ATP5MF: variants seen among roughly 807,000 people sequenced by gnomAD.
ATP5MF encodes the protein ATP synthase membrane subunit f, also known as ATP synthase F(0) complex subunit f, mitochondrial.
Under a neutral mutation model 13.8 loss-of-function variants are expected in ATP5MF, and 10 were observed. That is an observed-to-expected ratio of 0.72 (90% confidence interval 0.45 to 1.23). ATP5MF has a LOEUF of 1.23. Among genes scored for constraint, ATP5MF ranks in the 50% most tolerant of loss-of-function variants. ATP5MF has a pLI of 0.00. For missense variants in ATP5MF, 122 were observed against 118.2 expected, an observed-to-expected ratio of 1.03 and a Z score of -0.15; for synonymous variants, 40 against 45.8, an observed-to-expected ratio of 0.87 and a Z score of 0.51.
intron 1 of ATP5MF, chr7:99,460,543 A>T (rs569380719): frequency 7.5e-6 from 4 of 534,426 alleles, no homozygotes; most frequent in Non-Finnish European, 1.5e-5. Context: ...TAGCTTATTT[A>T]ATCTTCACAA....
intron 1 of ATP5MF, among the ~76,000 whole-genome samples, chr7:99,463,730 C>T (rs555526625): frequency 2.0e-5 from 3 of 152,104 alleles, no homozygotes; most frequent in African/African-American, 7.2e-5. Flanking sequence ...GAGCTGAGAT[C>T]GTGCTATTGC....
intron 2 of ATP5MF, among the ~76,000 whole-genome samples, chr7:99,459,502 C>T (rs1018081119): frequency 2.0e-5 from 3 of 152,204 alleles, no homozygotes; most frequent in Non-Finnish European, 2.9e-5. Context: ...TGGATTCCAC[C>T]TCTCCCCTTT....
chr7:99,458,915 C>T, intron 3 of ATP5MF: 1 of 518,290 alleles, frequency 1.9e-6, no homozygotes, highest in Non-Finnish European at 3.5e-6. Flanking sequence ...CTCTCTTTAC[C>T]CTGGCTTCAT....
At chr7:99,460,220 C>G (rs1798537973) in intron 1 of ATP5MF, 27 bp from the exon 2 acceptor site, 2 of 1,611,718 alleles carry the variant, frequency 1.2e-6, no homozygotes, top group African/African-American at 1.3e-5. Context: ...AGAAAAAATA[C>G]CCACTGAATA....
chr7:99,459,409 A>G (rs1019366745), intron 2 of ATP5MF, 146 bp from the exon 3 acceptor site: 2 of 657,158 alleles, frequency 3.0e-6, no homozygotes, highest in Non-Finnish European at 5.5e-6. Context: ...GCTGATAAAG[A>G]TGACAAGCAC....
intron 1 of ATP5MF, among the ~76,000 whole-genome samples, chr7:99,463,493 C>T (rs111792721): frequency 6.6e-6 from 1 of 152,200 alleles, no homozygotes; most frequent in Non-Finnish European, 1.5e-5. Context: ...AAAAACCATT[C>T]TAGGCCCTGT....
Position 99,460,196 on chromosome 7 carries a change from G to A in ATP5MF, c.32-3C>T, listed in dbSNP as rs768806509. The A allele has an allele frequency of 9.3e-6, 15 of 1,613,614 alleles. No individual in the cohort carries two copies. The East Asian group carries it at 3.3e-4, about 36-fold the overall frequency. ...AAGTTTCTTGTCCTTCACTGGTACT[G>A]AAACGGAAGAGTGAGAAAAAATACC... On this transcript the variant is annotated splice_region_variant and splice_polypyrimidine_tract_variant and intron_variant, in intron 1 of 3. Coordinates refer to ENST00000292475, the MANE Select transcript of ATP5MF (RefSeq NM_004889.5).
At chr7:99,465,172 T>C (rs1488912418) in intron 1 of ATP5MF, among the ~76,000 whole-genome samples, 5 of 151,466 alleles carry the variant, frequency 3.3e-5, no homozygotes, top group Admixed American at 1.3e-4. Context: ...GGCTGGAGAA[T>C]CGCTTGAACC....
At chr7:99,459,071 G>T in intron 3 of ATP5MF, 76 bp downstream of exon 3, 2 of 1,118,908 alleles carry the variant, frequency 1.8e-6, no homozygotes, top group Non-Finnish European at 2.7e-6. Flanking sequence ...AAGAAGGTGG[G>T]CTGCTGTATC....
chr7:99,461,969 T>A (rs1798624755), intron 1 of ATP5MF, among the ~76,000 whole-genome samples: 1 of 150,280 alleles, frequency 6.7e-6, no homozygotes, highest in African/African-American at 2.4e-5. Flanking sequence ...GAAAACTCAC[T>A]TCCTGATCCA....
intron 1 of ATP5MF, among the ~76,000 whole-genome samples, chr7:99,461,016 A>G (rs1020027583): frequency 2.0e-5 from 3 of 152,114 alleles, no homozygotes; most frequent in East Asian, 1.9e-4. Flanking sequence ...ACGGCCCCAG[A>G]TCGTATTCCA....
chr7:99,460,651 G>A, intron 1 of ATP5MF: 2 of 408,132 alleles, frequency 4.9e-6, no homozygotes, highest in Non-Finnish European at 9.8e-6. Context: ...GTGGGGTCAG[G>A]ACTGGCCCTC....
In ATP5MF at chr7:99,460,339, ATATGTCACATCAAG is replaced by A. The variant is rs1234191963; in HGVS notation, c.32-160_32-147del. ...TGCACATACACAATATTATGAAGAA[ATATGTCACATCAAG>A]CCCACTATTTTAAGACTGAGTCTAT... On this transcript the variant is annotated intron_variant, in intron 1 of 3. Transcript: ENST00000292475. The A allele has an allele frequency of 1.4e-5, 12 of 887,172 alleles. No individual in the cohort carries two copies. In the African/African-American group the frequency reaches 2.0e-4, roughly 15 times the overall value. The allele number at this position is 887,172 out of a possible 1,614,324, so 55.0% of individuals were successfully genotyped here. A position where few individuals can be genotyped will look rare whatever the true frequency, so the allele number is the denominator to read the frequency against.
At chr7:99,462,898 T>G (rs1288391779) in intron 1 of ATP5MF, among the ~76,000 whole-genome samples, 1 of 152,248 alleles carries the variant, frequency 6.6e-6, no homozygotes. Flanking sequence ...AGCTTCCATC[T>G]GCAATCACTG....
At chr7:99,463,872 A>C (rs910193389) in intron 1 of ATP5MF, among the ~76,000 whole-genome samples, 1 of 152,210 alleles carries the variant, frequency 6.6e-6, no homozygotes, top group Admixed American at 6.5e-5. Flanking sequence ...AATCCAACTC[A>C]CTGGCCATAG....
rs11545971 is a variant in ATP5MF, at chr7:99,459,257, T to C, written c.146A>G (p.Tyr49Cys). The change falls in exon 3 of 4, where the codon TAC becomes TGC. Residue 49 changes from tyrosine (Y) to cysteine (C), a missense_variant. Tyr to Cys is a radical substitution (Grantham distance 194). Transcript: ENST00000292475. ...ATTGATGTACTTGTTGTAGTACCGG[T>C]AGTAACCTGCAAACGCAAGAGGCGC... ...GIFGAFQRGY[Y>C]RYYNKYINVK... 1 of 1,612,984 alleles carries C rather than the reference T, an allele frequency of 6.2e-7. No individual in the cohort carries two copies. The highest frequency in any genetic ancestry group is 8.5e-7 in the Non-Finnish European group (1 of 1,178,948).
chr7:99,460,370 T>A, intron 1 of ATP5MF, 177 bp from the exon 2 acceptor site: 1 of 764,552 alleles, frequency 1.3e-6, no homozygotes, highest in Non-Finnish European at 2.2e-6. Context: ...ATTTTAAGAC[T>A]GAGTCTATAC....
intron 1 of ATP5MF, among the ~76,000 whole-genome samples, chr7:99,465,524 T>C (rs1445635824): frequency 6.6e-6 from 1 of 152,096 alleles, no homozygotes; most frequent in African/African-American, 2.4e-5. Flanking sequence ...GATTTACACA[T>C]GGGTGTCTCG....
At chr7:99,460,035 C>G (rs943984583) in intron 2 of ATP5MF, 51 bp downstream of exon 2, 3 of 1,558,482 alleles carry the variant, frequency 1.9e-6, no homozygotes, top group Non-Finnish European at 1.7e-6. Context: ...AAAAAGAGAT[C>G]TGAAGACCCA....
Sources: allele counts gnomAD v4.1 joint callset (sites outside exome capture counted in the v4.1 genomes callset), GRCh38; gene constraint gnomAD v4.1.1; transcripts MANE v1.5; gene names NCBI Gene and HGNC (gene_info 2026-07-23, HGNC 2026-07-21).